ABHD16A: variants seen among roughly 807,000 people sequenced by gnomAD.
The protein encoded by ABHD16A is abhydrolase domain containing 16A, phospholipase, also known as phosphatidylserine lipase ABHD16A.
A neutral mutation model predicts 89.8 loss-of-function variants in ABHD16A; 47 were observed. The observed-to-expected ratio is 0.52, with a 90% CI of 0.41 to 0.67. The LOEUF (loss-of-function observed/expected upper bound fraction) is 0.67, where lower values mean the gene tolerates loss of function less well. ABHD16A is among the 30% of genes least tolerant of loss of function. The pLI, the probability that ABHD16A is intolerant of heterozygous loss-of-function variation, is 0.00. For missense variants in ABHD16A, 580 were observed against 734.6 expected (o/e 0.79, Z 2.43); for synonymous variants, 251 against 280.4 (o/e 0.90, Z 1.05).
In ABHD16A at chr6:31,687,301, G is replaced by C; in HGVS notation, c.1594-6C>G. ...TTGTGCAGATGCTTCCGAGCCTGAGGAAAGGAGGTGGGACAGGTGGGGTAC... is the reference window on the plus strand; with the variant it reads ...TTGTGCAGATGCTTCCGAGCCTGAGCAAAGGAGGTGGGACAGGTGGGGTAC... On this transcript the variant is annotated splice_polypyrimidine_tract_variant and splice_region_variant and intron_variant, in intron 19 of 19. Coordinates refer to ENST00000395952, the MANE Select transcript of ABHD16A (RefSeq NM_021160.3). This position sits in a 1 kb window ranked among gnomAD's most constrained non-coding sequence, Gnocchi z 6.3. The C allele has an allele frequency of 6.2e-7, 1 of 1,612,880 alleles. No homozygotes were observed. The highest frequency in any genetic ancestry group is 8.5e-7 in the Non-Finnish European group (1 of 1,179,924).
chr6:31,701,942 G>T (rs975266492), intron 2 of ABHD16A, 132 bp downstream of exon 2: 2 of 900,582 alleles, frequency 2.2e-6, no homozygotes, highest in East Asian at 4.9e-5. Flanking sequence ...GTCTGTGTTG[G>T]AGAGGTCTGC....
intron 5 of ABHD16A, among the ~76,000 whole-genome samples, chr6:31,696,292 C>A (rs1336090482): frequency 6.6e-6 from 1 of 150,558 alleles, no homozygotes; most frequent in Admixed American, 6.6e-5. Context: ...GATTGTACCA[C>A]TATACTCCAG....
In ABHD16A at chr6:31,698,571, C is replaced by T. The variant is rs1193602803; in HGVS notation, c.344-1538G>A. ...TGTGCTCTCGGCTCACTGCAACCTC[C>T]GCCTCCCGGGTTCAAGTGATTCTCC... is the stretch of plus-strand genomic sequence containing the variant. On this transcript the variant is annotated intron_variant, in intron 4 of 19. Coordinates refer to ENST00000395952, the MANE Select transcript of ABHD16A (RefSeq NM_021160.3). This position sits in a 1 kb window ranked among gnomAD's most constrained non-coding sequence, Gnocchi z 4.1. 2.0e-5 allele frequency among the ~76,000 whole-genome samples: 3 copies of T among 151,874 alleles called. No homozygotes were observed. The highest frequency in any genetic ancestry group is 7.3e-5 in the African/African-American group (3 of 41,332).
intron 4 of ABHD16A, 39 bp from the exon 5 acceptor site, chr6:31,697,072 G>A: frequency 6.4e-7 from 1 of 1,571,610 alleles, no homozygotes. Context: ...TAGGAAAACT[G>A]GGAAGCAGAA....
chr6:31,697,109 A>T, intron 4 of ABHD16A, 76 bp from the exon 5 acceptor site: 1 of 1,349,678 alleles, frequency 7.4e-7, no homozygotes, highest in Non-Finnish European at 1.1e-6. Context: ...AAAGAATTGG[A>T]GATGGGCTAG....
rs140624685 is a variant in ABHD16A, at chr6:31,689,641, G to A, written c.1021C>T (p.Arg341Cys). Residue 341 changes from arginine to cysteine, a missense_variant, in exon 12 of 20, where the codon CGC (arginine) becomes TGC (cysteine). By Grantham distance (180) the Arg-to-Cys change is radical (BLOSUM62 -3). Coordinates refer to ENST00000395952, the MANE Select transcript of ABHD16A (RefSeq NM_021160.3). ...MDVVVQFAIHRLGFQPQDIII... is the reference protein window; with the variant it reads ...MDVVVQFAIHCLGFQPQDIII... Reference sequence around the variant, plus strand: ...ATGTCCTGGGGCTGGAAGCCTAGGCGGTGGATGGCAAACTGGACCACCACA... The same window carrying A: ...ATGTCCTGGGGCTGGAAGCCTAGGCAGTGGATGGCAAACTGGACCACCACA... 29 of 1,612,102 alleles carry A rather than the reference G, an allele frequency of 1.8e-5. No individual in the cohort carries two copies. Among genetic ancestry groups the A allele is most frequent in the African/African-American group, 2.7e-5 (2 of 74,894 alleles).
intron 8 of ABHD16A, 32 bp downstream of exon 8, chr6:31,691,772 C>A: frequency 6.3e-7 from 1 of 1,589,006 alleles, no homozygotes; most frequent in Admixed American, 1.7e-5. Flanking sequence ...GAGGGGAGGG[C>A]TTTAGGGGAT....
At chr6:31,694,467 T>C (rs1251374905) in intron 5 of ABHD16A, among the ~76,000 whole-genome samples, 1 of 141,712 alleles carries the variant, frequency 7.1e-6, no homozygotes, top group South Asian at 2.4e-4. Flanking sequence ...CTCGGATCAC[T>C]GCAAGCTCTG....
At position 31,687,251 on chromosome 6, in the gene ABHD16A, T is replaced by C. The variant is rs972959053; in HGVS notation, c.1638A>G (p.Pro546=). The change falls in exon 20 of 20, where the codon CCA becomes CCG. Residue 546 remains proline, a synonymous_variant. Coordinates refer to ENST00000395952, the MANE Select transcript of ABHD16A (RefSeq NM_021160.3). The surrounding 1 kb of genome is among the most constrained non-coding windows in gnomAD (Gnocchi z 6.3). The stretch of plus-strand genomic sequence containing the variant: ...GCATCTGGAAGTTCTGGGCTGGGAG[T>C]GGGGTGCAGTGAGTGGCCTCAAAGT... ...LHNFEATHCT[P]LPAQNFQMPW... 20 of 1,612,298 alleles carry C rather than the reference T, an allele frequency of 1.2e-5. No homozygotes were observed. Among genetic ancestry groups the C allele is most frequent in the Non-Finnish European group, 1.6e-5 (19 of 1,179,838 alleles).
intron 5 of ABHD16A, among the ~76,000 whole-genome samples, chr6:31,694,802 A>G (rs1804242641): frequency 6.6e-6 from 1 of 152,170 alleles, no homozygotes; most frequent in Non-Finnish European, 1.5e-5. Flanking sequence ...TTCAAAAATA[A>G]TTTGACTAAC....
Position 31,687,457 on chromosome 6 carries a change from G to A in ABHD16A, c.1593+41C>T, listed in dbSNP as rs1457322839. The A allele has an allele frequency of 6.2e-7, 1 of 1,612,738 alleles. No individual in the cohort carries two copies. The highest frequency in any genetic ancestry group is 1.3e-5 in the African/African-American group (1 of 74,840). On this transcript the variant is annotated intron_variant, in intron 19 of 19. Transcript: ENST00000395952. This position sits in a 1 kb window ranked among gnomAD's most constrained non-coding sequence, Gnocchi z 6.3. ...CCCCAGTCCCCCTATGTGAGCCCTG[G>A]CCATTCAAGAACCCTTCCCACTTCC...
intron 4 of ABHD16A, among the ~76,000 whole-genome samples, chr6:31,699,302 G>A (rs906244316): frequency 4.6e-5 from 7 of 151,548 alleles, no homozygotes; most frequent in Admixed American, 6.6e-5. Context: ...CCAGCTACTC[G>A]GGAGGCTGAA....
In ABHD16A at chr6:31,699,408, C is replaced by CAAA. The variant is rs9281558; in HGVS notation, c.343+1531_343+1533dup. On this transcript the variant is annotated intron_variant, in intron 4 of 19. Transcript: ENST00000395952. The stretch of plus-strand genomic sequence containing the variant: ...TGGGGGACAGAGCGAGACTCCGTCT[C>CAAA]AAAAAAAAAAAAAAAAAAAAAGAAA... 6.2e-3 allele frequency among the ~76,000 whole-genome samples: 338 copies of CAAA among 54,182 alleles called. 6 individuals are homozygous for CAAA. In the South Asian group the frequency reaches 0.066, roughly 11 times the overall value. The allele number at this position is 54,182 out of a possible 152,430, so 35.5% of individuals were successfully genotyped here.
chr6:31,688,752 G>A lies in ABHD16A; in HGVS notation c.1221C>T (p.Leu407=). The change falls in exon 14 of 20, where the codon CTC becomes CTT. Residue 407 remains leucine (L), a synonymous_variant. Coordinates refer to ENST00000395952, the MANE Select transcript of ABHD16A (RefSeq NM_021160.3). This position sits in a 1 kb window ranked among gnomAD's most constrained non-coding sequence, Gnocchi z 4.9. ...GLVTRTVRQH[L]NLNNAEQLCR... ...ACAGCTGCTCCGCGTTGTTTAGATTGAGATGCTGCCTCACGGTCCTGGTCA... is the reference window on the plus strand; with the variant it reads ...ACAGCTGCTCCGCGTTGTTTAGATTAAGATGCTGCCTCACGGTCCTGGTCA... The A allele has an allele frequency of 6.2e-7, 1 of 1,613,046 alleles. No homozygotes were observed. Among genetic ancestry groups the A allele is most frequent in the Non-Finnish European group, 8.5e-7 (1 of 1,180,008 alleles).
Position 31,687,828 on chromosome 6 carries a change from C to G in ABHD16A, c.1443G>C (p.Glu481Asp). The change falls in exon 17 of 20, where the codon GAG (glutamate) becomes GAC (aspartate). Residue 481 changes from glutamate to aspartate, a missense_variant. Glu to Asp is a conservative substitution (Grantham distance 45). This residue lies in a region of ABHD16A where 415 missense variants were observed against 568.8 expected (regional missense o/e 0.73). Coordinates refer to ENST00000395952, the MANE Select transcript of ABHD16A (RefSeq NM_021160.3). The surrounding 1 kb of genome is among the most constrained non-coding windows in gnomAD (Gnocchi z 6.3). ...RQWLEASSQL[E>D]EASIYSRWEV... is the part of the protein sequence containing the mutation. ...CCTCACTGGATCCCTTCTCACCTTC[C>G]TCCAGCTGTGAGGAGGCCTCCAACC... The G allele has an allele frequency of 1.2e-6, 2 of 1,613,016 alleles. No individual in the cohort carries two copies. The highest frequency in any genetic ancestry group is 8.5e-7 in the Non-Finnish European group (1 of 1,180,012).
At position 31,689,054 on chromosome 6, in the gene ABHD16A, G is replaced by C. The variant is rs779683322; in HGVS notation, c.1147C>G (p.Leu383Val). 6.8e-6 allele frequency: 11 copies of C among 1,614,060 alleles called. No individual in the cohort carries two copies. The highest frequency in any genetic ancestry group is 3.3e-5 in the South Asian group (3 of 91,064). Reference sequence around the variant, plus strand: ...ATGACCTTCAAGGCCAAGGGCACCAGGTCATCAAAGGAGGCATCCAGGATC... The same window carrying C: ...ATGACCTTCAAGGCCAAGGGCACCACGTCATCAAAGGAGGCATCCAGGATC... Reference protein sequence around the residue: ...AMILDASFDDLVPLALKVMPD... With the variant: ...AMILDASFDDVVPLALKVMPD... Residue 383 changes from leucine to valine, a missense_variant, in exon 13 of 20, where the codon CTG (leucine) becomes GTG (valine). Physicochemically the swap from Leu to Val is conservative, Grantham distance 32. Coordinates refer to ENST00000395952, the MANE Select transcript of ABHD16A (RefSeq NM_021160.3).
chr6:31,702,858 G>A, intron 1 of ABHD16A: 1 of 1,366,904 alleles, frequency 7.3e-7, no homozygotes, highest in South Asian at 1.8e-5. Flanking sequence ...CGGGACTCAA[G>A]ACTCAACTGG....
At chr6:31,691,498 G>A in intron 9 of ABHD16A, 81 bp downstream of exon 9, 1 of 1,264,372 alleles carries the variant, frequency 7.9e-7, no homozygotes, top group Non-Finnish European at 1.1e-6. Context: ...CCTTCAGGGA[G>A]GTGCTATAGC....
chr6:31,689,229 T>C, intron 12 of ABHD16A, 110 bp from the exon 13 acceptor site: 2 of 999,824 alleles, frequency 2.0e-6, no homozygotes, highest in Non-Finnish European at 2.9e-6. Flanking sequence ...CCCCCTATGT[T>C]ATCCCTTGTT....
Sources: allele counts gnomAD v4.1 joint callset (sites outside exome capture counted in the v4.1 genomes callset), GRCh38; gene constraint gnomAD v4.1.1; regional missense constraint gnomAD v4.1.1; non-coding constraint Gnocchi (gnomAD v3.1); transcripts MANE v1.5; gene names NCBI Gene and HGNC (gene_info 2026-07-23, HGNC 2026-07-21).